The following PITPNM3 variants were observed in gnomAD, a reference collection of about 807,000 sequenced individuals.
The protein encoded by PITPNM3 is PITPNM family member 3, also known as membrane-associated phosphatidylinositol transfer protein 3.
PITPNM3 carries 26 observed loss-of-function variants against 102.0 expected under a neutral mutation model. The ratio of observed to expected loss-of-function variants is 0.25; its 90% CI spans 0.19 to 0.35. PITPNM3 has a LOEUF of 0.35. Among genes scored for constraint, PITPNM3 ranks in the 10% least tolerant of loss-of-function variants. The pLI, the probability that PITPNM3 is intolerant of heterozygous loss-of-function variation, is 1.00. For missense variants in PITPNM3, 1,083 were observed against 1,346.1 expected, an observed-to-expected ratio of 0.80 and a Z score of 3.06; for synonymous variants, 578 against 558.6, an observed-to-expected ratio of 1.03 and a Z score of -0.49.
Position 6,499,332 on chromosome 17 carries a change from C to T in PITPNM3, c.274+4195G>A, listed in dbSNP as rs1159497930. Among the ~76,000 whole-genome samples the T allele has an allele frequency of 2.6e-5, 4 of 152,370 alleles. No homozygotes were observed. The East Asian group carries it at 7.7e-4, about 29-fold the overall frequency. ...AGCCACTGCAGACAAGCCCTTGCAA[C>T]CTCATACCTGCGCATGCCTGAGAGG... On this transcript the variant is annotated intron_variant, in intron 4 of 19. Transcript: ENST00000262483.
intron 5 of PITPNM3, 53 bp downstream of exon 5, chr17:6,484,163 C>T: frequency 1.3e-6 from 2 of 1,525,120 alleles, no homozygotes; most frequent in East Asian, 2.2e-5. Context: ...AGGGCTCTTG[C>T]TAAAATCCTG....
intron 1 of PITPNM3, among the ~76,000 whole-genome samples, chr17:6,552,041 T>C (rs971792292): frequency 4.6e-5 from 7 of 152,164 alleles, no homozygotes; most frequent in African/African-American, 7.2e-5. Context: ...ACTTGGAACA[T>C]GAGTATCGAA....
intron 3 of PITPNM3, among the ~76,000 whole-genome samples, chr17:6,521,615 T>TA (rs200604693): frequency 6.0e-5 from 9 of 149,242 alleles, no homozygotes; most frequent in Non-Finnish European, 1.2e-4. Flanking sequence ...CCCTTTCCAT[T>TA]AAAAAAAAAT....
intron 6 of PITPNM3, among the ~76,000 whole-genome samples, chr17:6,483,045 T>C (rs1905837982): frequency 1.3e-5 from 2 of 151,794 alleles, no homozygotes; most frequent in Non-Finnish European, 2.9e-5. Context: ...CCTGGGTTCA[T>C]GCCATTCTCC....
intron 4 of PITPNM3, among the ~76,000 whole-genome samples, chr17:6,502,355 AG>A (rs1433134628): frequency 2.0e-5 from 3 of 152,282 alleles, no homozygotes; most frequent in East Asian, 3.9e-4. Context: ...CAGGAGGCTG[AG>A]GCGGGAGAAT....
chr17:6,537,896 G>A lies in PITPNM3; in HGVS notation c.118+91C>T, dbSNP rs1286668673. The A allele has an allele frequency of 1.9e-6, 2 of 1,045,016 alleles. No individual in the cohort carries two copies. The highest frequency in any genetic ancestry group is 2.9e-6 in the Non-Finnish European group (2 of 681,038). 64.7% of individuals were successfully genotyped at this position (1,045,016 alleles called of 1,614,324 possible). On this transcript the variant is annotated intron_variant, in intron 2 of 19. Transcript: ENST00000262483. The surrounding 1 kb of genome is among the most constrained non-coding windows in gnomAD (Gnocchi z 4.4). ...GGAGCTGCAGATACCACGTCTGAGTGGGGAGGGATGCGGACCCCCAAATGG... is the reference window on the plus strand; with the variant it reads ...GGAGCTGCAGATACCACGTCTGAGTAGGGAGGGATGCGGACCCCCAAATGG...
At chr17:6,509,931 C>A (rs915910022) in intron 3 of PITPNM3, among the ~76,000 whole-genome samples, 1 of 152,136 alleles carries the variant, frequency 6.6e-6, no homozygotes, top group African/African-American at 2.4e-5. Flanking sequence ...CCAGCTTTTC[C>A]ACCCCTGCCT....
intron 1 of PITPNM3, among the ~76,000 whole-genome samples, chr17:6,546,728 G>C (rs567605518): frequency 6.6e-6 from 1 of 152,372 alleles, no homozygotes; most frequent in East Asian, 1.9e-4. Context: ...GTACAGGGCA[G>C]CTGTGGTGGC....
chr17:6,483,816 G>A (rs1905903413), intron 5 of PITPNM3, 64 bp from the exon 6 acceptor site: 16 of 1,358,400 alleles, frequency 1.2e-5, no homozygotes, highest in Non-Finnish European at 1.5e-5. Context: ...GGCACACAGG[G>A]ACACACACAC....
chr17:6,461,146 G>C (rs534815203), intron 18 of PITPNM3, among the ~76,000 whole-genome samples: 2 of 152,348 alleles, frequency 1.3e-5, no homozygotes, highest in Middle Eastern at 3.4e-3. Context: ...ACGAAAGTCT[G>C]ACTCAGATCT....
rs1045901226 is a variant in PITPNM3, at chr17:6,472,860, T to C, written c.1259-33A>G. The C allele has an allele frequency of 2.5e-6, 4 of 1,612,112 alleles. No homozygotes were observed. The Admixed American group carries it at 6.7e-5, about 27-fold the overall frequency. The stretch of plus-strand genomic sequence containing the variant: ...GAGTGGGAAGACAGAGGGAAGCCAC[T>C]TTCTAGTACCTGCTCCCTGGGCCCT... On this transcript the variant is annotated intron_variant, in intron 10 of 19. Coordinates refer to ENST00000262483, the MANE Select transcript of PITPNM3 (RefSeq NM_031220.4). This position sits in a 1 kb window ranked among gnomAD's most constrained non-coding sequence, Gnocchi z 4.1.
intron 3 of PITPNM3, among the ~76,000 whole-genome samples, chr17:6,515,563 G>T (rs750031920): frequency 6.6e-6 from 1 of 152,030 alleles, no homozygotes; most frequent in Admixed American, 6.5e-5. Context: ...TTCTAAAAAA[G>T]AATTTGGCAA....
intron 3 of PITPNM3, among the ~76,000 whole-genome samples, chr17:6,518,451 CAA>C (rs74413304): frequency 1.1e-4 from 12 of 112,672 alleles, no homozygotes; most frequent in South Asian, 2.8e-4. Flanking sequence ...GGTAAAAAAG[CAA>C]AAAAAAAAAA....
chr17:6,469,210 A>G lies in PITPNM3; in HGVS notation c.1774-869T>C, dbSNP rs553285131. ...TGCCGTCCAAGCTCTGATGACACCC[A>G]CATTTTTATCTGGAATCCTGATGTC... On this transcript the variant is annotated intron_variant, in intron 13 of 19. Coordinates refer to ENST00000262483, the MANE Select transcript of PITPNM3 (RefSeq NM_031220.4). The surrounding 1 kb of genome is among the most constrained non-coding windows in gnomAD (Gnocchi z 4.0). Among the ~76,000 whole-genome samples the G allele has an allele frequency of 1.6e-4, 24 of 152,010 alleles. No individual in the cohort carries two copies. The South Asian group carries it at 4.8e-3, about 30-fold the overall frequency.
At position 6,517,231 on chromosome 17, in the gene PITPNM3, C is replaced by T. The variant is rs7218891; in HGVS notation, c.226+8125G>A. 0.053 allele frequency among the ~76,000 whole-genome samples: 8,051 copies of T among 152,182 alleles called. 452 individuals carry two copies. The highest frequency in any genetic ancestry group is 0.16 in the East Asian group (837 of 5,180). On this transcript the variant is annotated intron_variant, in intron 3 of 19. Transcript: ENST00000262483. This position sits in a 1 kb window ranked among gnomAD's most constrained non-coding sequence, Gnocchi z 4.1. ...AAGTAGCAGTGAGACCTATATGCTA[C>T]AAAGGGCAAATTTTACTGAATATAA...
In PITPNM3 at chr17:6,549,887, G is replaced by A. The variant is rs565356015; in HGVS notation, c.22+6498C>T. Among the ~76,000 whole-genome samples, 21 of 152,268 alleles carry A rather than the reference G, an allele frequency of 1.4e-4. No homozygotes were observed. In the South Asian group the frequency reaches 3.7e-3, roughly 27 times the overall value. ...CTGGTGATGGCCTGCCAGGAGGCAC[G>A]TGCTCTCCACGTCCACGTCCTCAGC... On this transcript the variant is annotated intron_variant, in intron 1 of 19. Coordinates refer to ENST00000262483, the MANE Select transcript of PITPNM3 (RefSeq NM_031220.4).
intron 1 of PITPNM3, among the ~76,000 whole-genome samples, chr17:6,550,725 G>A (rs1200458067): frequency 1.3e-5 from 2 of 152,228 alleles, no homozygotes; most frequent in Non-Finnish European, 2.9e-5. Context: ...CCAGGCAAGT[G>A]GCTGGGGCAG....
rs563938877 is a variant in PITPNM3 at position 6,499,337 on chromosome 17, T to C, written c.274+4190A>G. On this transcript the variant is annotated intron_variant, in intron 4 of 19. Coordinates refer to ENST00000262483, the MANE Select transcript of PITPNM3 (RefSeq NM_031220.4). ...CTGCAGACAAGCCCTTGCAACCTCA[T>C]ACCTGCGCATGCCTGAGAGGCCCAT... Among the ~76,000 whole-genome samples the C allele has an allele frequency of 4.6e-5, 7 of 152,304 alleles. No individual in the cohort carries two copies. In the South Asian group the frequency reaches 1.5e-3, roughly 32 times the overall value.
intron 4 of PITPNM3, among the ~76,000 whole-genome samples, chr17:6,494,277 CT>C (rs1906666984): frequency 6.6e-6 from 1 of 152,206 alleles, no homozygotes; most frequent in South Asian, 2.1e-4. Context: ...GGAATGGTCT[CT>C]TTGCTCTTAC....
Sources: gnomAD v4.1 joint callset for allele counts (sites outside exome capture counted in the v4.1 genomes callset) on GRCh38, gnomAD v4.1.1 for gene constraint, Gnocchi (gnomAD v3.1) non-coding constraint, MANE v1.5 for transcripts, NCBI Gene and HGNC (gene_info 2026-07-23, HGNC 2026-07-21) for gene names.